Variants in ARHGAP24 observed in about 807,000 individuals in gnomAD.
The protein encoded by ARHGAP24 is rho GTPase-activating protein 24.
ARHGAP24 carries 50 observed loss-of-function variants against 76.4 expected under a neutral mutation model. The observed-to-expected ratio is 0.65, with a 90% CI of 0.52 to 0.83. The LOEUF (loss-of-function observed/expected upper bound fraction) is 0.83. Among genes scored for constraint, ARHGAP24 ranks in the 40% least tolerant of loss-of-function variants. The pLI is 0.00. For missense variants in ARHGAP24, 930 were observed against 914.2 expected, an observed-to-expected ratio of 1.02 and a Z score of -0.22; for synonymous variants, 345 against 323.3, an observed-to-expected ratio of 1.07 and a Z score of -0.72.
Position 85,995,419 on chromosome 4 carries a change from G to T in ARHGAP24, c.1765G>T (p.Glu589Ter). ...PEQDFFGGNF[E>*]DPVLDGPPQD... The stretch of plus-strand genomic sequence containing the variant: ...GCAAGACTTTTTTGGGGGGAACTTT[G>T]AGGACCCTGTTTTGGATGGGCCCCC... The change falls in exon 9 of 10, where the codon GAG becomes TAG. Residue 589 changes from glutamate (E) to a stop codon, truncating the protein, a stop_gained. Coordinates refer to ENST00000395184, the MANE Select transcript of ARHGAP24 (RefSeq NM_001025616.3). LOFTEE classifies it high-confidence loss of function. 6.2e-7 allele frequency: 1 copy of T among 1,612,436 alleles called. No homozygotes were observed. Among genetic ancestry groups the T allele is most frequent in the East Asian group, 2.2e-5 (1 of 44,830 alleles).
At chr4:85,564,977 C>A (rs1726780654) in intron 1 of ARHGAP24, among the ~76,000 whole-genome samples, 1 of 134,220 alleles carries the variant, frequency 7.5e-6, no homozygotes, top group Non-Finnish European at 1.6e-5. Flanking sequence ...TATACCCACA[C>A]CCACCATACA....
At chr4:85,608,779 C>T (rs906732037) in intron 2 of ARHGAP24, among the ~76,000 whole-genome samples, 2 of 152,012 alleles carry the variant, frequency 1.3e-5, no homozygotes, top group African/African-American at 2.4e-5. Flanking sequence ...AGACTGGTCT[C>T]GAACTCCTGA....
At chr4:85,646,904 A>G (rs971898859) in intron 2 of ARHGAP24, among the ~76,000 whole-genome samples, 2 of 152,154 alleles carry the variant, frequency 1.3e-5, no homozygotes, top group African/African-American at 2.4e-5. Flanking sequence ...ATTCACATTT[A>G]TGTGATATGT....
chr4:85,696,050 C>T (rs1578147673), intron 2 of ARHGAP24, among the ~76,000 whole-genome samples: 1 of 152,096 alleles, frequency 6.6e-6, no homozygotes, highest in Non-Finnish European at 1.5e-5. Context: ...GATAGACCAA[C>T]TTTTTCATTA....
chr4:85,752,806 G>A (rs114182941), intron 3 of ARHGAP24, among the ~76,000 whole-genome samples: 2 of 152,250 alleles, frequency 1.3e-5, no homozygotes, highest in African/African-American at 2.4e-5. Flanking sequence ...CAGATGTAAC[G>A]TGCCTAACAC....
At chr4:85,650,953 T>C (rs1721918152) in intron 2 of ARHGAP24, among the ~76,000 whole-genome samples, 2 of 149,674 alleles carry the variant, frequency 1.3e-5, no homozygotes, top group Non-Finnish European at 2.9e-5. Flanking sequence ...AAAAGAAATA[T>C]AAAGTCCCAG....
chr4:85,601,128 A>G (rs188545586), intron 2 of ARHGAP24, among the ~76,000 whole-genome samples: 2 of 152,220 alleles, frequency 1.3e-5, no homozygotes, highest in Admixed American at 1.3e-4. Flanking sequence ...TCACTCTTTT[A>G]TTCACGTCTA....
Position 85,923,770 on chromosome 4 carries a change from G to A in ARHGAP24, c.391G>A (p.Gly131Ser). The change falls in exon 4 of 10, where the codon GGC becomes AGC. Residue 131 changes from glycine to serine, a missense_variant and splice_region_variant. Coordinates refer to ENST00000395184, the MANE Select transcript of ARHGAP24 (RefSeq NM_001025616.3). ...AGTCATATGGGGACCTTTCGGAGGA[G>A]GTGAGTGTACTTTAAAATCATGGAA... ...RRVIWGPFGG[G>S]IFGQKLEDTV... is the part of the protein sequence containing the mutation. The A allele has an allele frequency of 1.9e-6, 3 of 1,613,908 alleles. No homozygotes were observed. The highest frequency in any genetic ancestry group is 2.5e-6 in the Non-Finnish European group (3 of 1,179,894).
chr4:85,877,801 A>G (rs999071243), intron 3 of ARHGAP24, among the ~76,000 whole-genome samples: 18 of 152,192 alleles, frequency 1.2e-4, no homozygotes, highest in Admixed American at 3.3e-4. Context: ...TCAGAGTTTA[A>G]TTCATTTATG....
chr4:85,876,460 A>G (rs1412383076), intron 3 of ARHGAP24, among the ~76,000 whole-genome samples: 1 of 152,128 alleles, frequency 6.6e-6, no homozygotes, highest in Non-Finnish European at 1.5e-5. Flanking sequence ...CAATATATCC[A>G]ATAAGCTCAA....
At chr4:85,702,415 C>A (rs921404476) in intron 2 of ARHGAP24, among the ~76,000 whole-genome samples, 2 of 152,238 alleles carry the variant, frequency 1.3e-5, no homozygotes, top group Non-Finnish European at 1.5e-5. Context: ...TATTTATTAG[C>A]AGCATAGCAA....
chr4:85,837,431 G>T lies in ARHGAP24; in HGVS notation c.269-86217G>T, dbSNP rs529825304. On this transcript the variant is annotated intron_variant, in intron 3 of 9. Coordinates refer to ENST00000395184, the MANE Select transcript of ARHGAP24 (RefSeq NM_001025616.3). ...TGCTTCACTGACTTCTGCCTCTCCT[G>T]CCCCAAGGTCTTTGCACGTCCCTAA... 3.9e-5 allele frequency among the ~76,000 whole-genome samples: 6 copies of T among 152,152 alleles called. No homozygotes were observed. In the South Asian group the frequency reaches 1.2e-3, roughly 32 times the overall value.
intron 3 of ARHGAP24, among the ~76,000 whole-genome samples, chr4:85,898,967 C>T (rs938125249): frequency 1.3e-5 from 2 of 152,186 alleles, no homozygotes; most frequent in African/African-American, 2.4e-5. Flanking sequence ...TAGTCTCGAA[C>T]TCCTGACCTC....
chr4:85,595,633 A>C (rs1719798248), intron 2 of ARHGAP24, among the ~76,000 whole-genome samples: 1 of 152,106 alleles, frequency 6.6e-6, no homozygotes, highest in South Asian at 2.1e-4. Flanking sequence ...GGATGGGTGA[A>C]GAAATACAAA....
At chr4:85,552,281 C>T (rs1726171374) in intron 1 of ARHGAP24, among the ~76,000 whole-genome samples, 1 of 152,116 alleles carries the variant, frequency 6.6e-6, no homozygotes, top group African/African-American at 2.4e-5. Flanking sequence ...CATTGATTAA[C>T]CAAAGGTCAT....
intron 3 of ARHGAP24, among the ~76,000 whole-genome samples, chr4:85,821,853 G>A (rs1729488042): frequency 6.6e-6 from 1 of 152,138 alleles, no homozygotes; most frequent in Non-Finnish European, 1.5e-5. Flanking sequence ...ATTACTTAAA[G>A]AGTAGGAATA....
intron 3 of ARHGAP24, among the ~76,000 whole-genome samples, chr4:85,757,231 A>T (rs66840348): frequency 0.88 from 119,906 of 135,710 alleles, 54,242 homozygotes; most frequent in South Asian, 0.98. Flanking sequence ...TTTTTTTTTT[A>T]ATTAAACTAA....
intron 2 of ARHGAP24, among the ~76,000 whole-genome samples, chr4:85,580,853 C>G (rs1439983592): frequency 6.6e-6 from 1 of 152,128 alleles, no homozygotes; most frequent in South Asian, 2.1e-4. Flanking sequence ...TCTGTTGTCT[C>G]GTAGAAGAGT....
chr4:85,500,382 A>G (rs1358260393), intron 1 of ARHGAP24, among the ~76,000 whole-genome samples: 1 of 152,216 alleles, frequency 6.6e-6, no homozygotes, highest in Non-Finnish European at 1.5e-5. Flanking sequence ...TTAATCAGTG[A>G]TGAAATATGT....
Sources: allele counts gnomAD v4.1 joint callset (sites outside exome capture counted in the v4.1 genomes callset), GRCh38; gene constraint gnomAD v4.1.1; transcripts MANE v1.5; gene names NCBI Gene and HGNC (gene_info 2026-07-23, HGNC 2026-07-21).